The following ASAP1 variants were observed in gnomAD, a reference collection of about 807,000 sequenced individuals.
The protein encoded by ASAP1 is arf-GAP with SH3 domain, ANK repeat and PH domain-containing protein 1.
ASAP1 carries 43 observed loss-of-function variants against 145.2 expected under a neutral mutation model. That is an observed-to-expected ratio of 0.30 (90% confidence interval 0.23 to 0.38). The LOEUF (loss-of-function observed/expected upper bound fraction) is 0.38. Among genes scored for constraint, ASAP1 ranks in the 10% least tolerant of loss-of-function variants. The probability of loss-of-function intolerance (pLI) is 1.00; values close to 1 mark genes in which losing one functional copy is unlikely to be tolerated. For synonymous variants in ASAP1, 546 were observed against 515.5 expected (o/e 1.06, Z -0.80); for missense variants, 1,018 against 1,355.3 (o/e 0.75, Z 3.91).
intron 12 of ASAP1, among the ~76,000 whole-genome samples, chr8:130,157,607 C>G (rs1252987476): frequency 6.6e-6 from 1 of 152,154 alleles, no homozygotes; most frequent in Admixed American, 6.5e-5. Flanking sequence ...TGATTCCCCA[C>G]CTCACGGAGT....
At chr8:130,166,979 A>G (rs1347469883) in intron 11 of ASAP1, among the ~76,000 whole-genome samples, 1 of 152,204 alleles carries the variant, frequency 6.6e-6, no homozygotes, top group Non-Finnish European at 1.5e-5. Context: ...ATGCTCCTGA[A>G]GTGCATGTCC....
intron 1 of ASAP1, among the ~76,000 whole-genome samples, chr8:130,433,101 C>T (rs959882703): frequency 6.6e-6 from 1 of 152,172 alleles, no homozygotes; most frequent in Non-Finnish European, 1.5e-5. Context: ...AGGAAACTTG[C>T]TAACAGCTAT....
chr8:130,136,114 G>A (rs1387789776), intron 14 of ASAP1, among the ~76,000 whole-genome samples: 4 of 152,158 alleles, frequency 2.6e-5, no homozygotes, highest in Non-Finnish European at 4.4e-5. Context: ...GGATATTCAC[G>A]AGAGTCACTT....
chr8:130,420,691 C>G (rs371090872), intron 1 of ASAP1, among the ~76,000 whole-genome samples: 12 of 151,994 alleles, frequency 7.9e-5, no homozygotes, highest in Non-Finnish European at 1.6e-4. Context: ...GTCAGGAGTT[C>G]GAGACTAGCC....
chr8:130,162,817 C>CAAA (rs202186430), intron 11 of ASAP1, among the ~76,000 whole-genome samples: 67 of 123,272 alleles, frequency 5.4e-4, no homozygotes, highest in South Asian at 3.2e-3. Flanking sequence ...GACTCCGTCT[C>CAAA]AAAAAAAAAA....
chr8:130,122,245 C>T (rs2097567465), intron 18 of ASAP1, among the ~76,000 whole-genome samples: 1 of 152,164 alleles, frequency 6.6e-6, no homozygotes, highest in African/African-American at 2.4e-5. Flanking sequence ...CCTGTGTTTT[C>T]ATCTCCTCAG....
intron 1 of ASAP1, among the ~76,000 whole-genome samples, chr8:130,441,158 T>C (rs1316637549): frequency 6.6e-6 from 1 of 152,138 alleles, no homozygotes; most frequent in African/African-American, 2.4e-5. Flanking sequence ...GAGAACAGGG[T>C]CCTATTCATC....
chr8:130,298,438 C>G (rs1233315278), intron 3 of ASAP1, among the ~76,000 whole-genome samples: 1 of 152,124 alleles, frequency 6.6e-6, no homozygotes, highest in South Asian at 2.1e-4. Context: ...ATCCCATCTC[C>G]TCTTCGAGGC....
chr8:130,214,646 A>C lies in ASAP1; in HGVS notation c.315T>G (p.Asn105Lys). 2 of 1,611,608 alleles carry C rather than the reference A, an allele frequency of 1.2e-6. No individual in the cohort carries two copies. Among genetic ancestry groups the C allele is most frequent in the Non-Finnish European group, 1.7e-6 (2 of 1,178,596 alleles). ...GGTCGGGGTTGTCTCGACTTAAAAA[A>C]TTACTCCCAAACTTATCAAGAACTT... ...YAQVLDKFGS[N>K]FLSRDNPDLG... Residue 105 changes from asparagine to lysine, a missense_variant, in exon 5 of 30, where the codon AAT (asparagine) becomes AAG (lysine). By Grantham distance (94) the Asn-to-Lys change is moderately conservative. Transcript: ENST00000518721.
At chr8:130,359,423 G>A (rs1016087581) in intron 2 of ASAP1, among the ~76,000 whole-genome samples, 1 of 151,846 alleles carries the variant, frequency 6.6e-6, no homozygotes, top group African/African-American at 2.4e-5. Flanking sequence ...CGCTGAGTAT[G>A]AATTTGGTTT....
intron 5 of ASAP1, among the ~76,000 whole-genome samples, chr8:130,202,623 C>T (rs889877343): frequency 2.0e-5 from 3 of 152,162 alleles, no homozygotes; most frequent in South Asian, 4.1e-4. Context: ...AAGAGAACAG[C>T]GTTTCATGAA....
intron 1 of ASAP1, among the ~76,000 whole-genome samples, chr8:130,412,256 G>GA (rs1158690138): frequency 6.6e-6 from 1 of 152,172 alleles, no homozygotes; most frequent in African/African-American, 2.4e-5. Context: ...CCCAGTATTG[G>GA]AGGTGGGGCC....
intron 1 of ASAP1, among the ~76,000 whole-genome samples, 159 bp from the exon 2 acceptor site, chr8:130,402,129 A>G (rs1279366549): frequency 1.3e-5 from 2 of 152,200 alleles, no homozygotes; most frequent in East Asian, 1.9e-4. Context: ...GAAGGAAACT[A>G]CTATTTCAGC....
intron 11 of ASAP1, among the ~76,000 whole-genome samples, chr8:130,166,981 T>G (rs2097681154): frequency 6.6e-6 from 1 of 152,168 alleles, no homozygotes; most frequent in Non-Finnish European, 1.5e-5. Flanking sequence ...GCTCCTGAAG[T>G]GCATGTCCTC....
chr8:130,367,659 T>A (rs759904559), intron 2 of ASAP1, among the ~76,000 whole-genome samples: 1 of 152,198 alleles, frequency 6.6e-6, no homozygotes, highest in Non-Finnish European at 1.5e-5. Context: ...GGCAATGGCA[T>A]CCTATAGCTC....
At chr8:130,160,805 A>C (rs1014262878) in intron 11 of ASAP1, 5 of 1,284,148 alleles carry the variant, frequency 3.9e-6, no homozygotes, top group Non-Finnish European at 5.1e-6. Context: ...TTCGATCAGG[A>C]AGGGCAAAAG....
chr8:130,403,711 C>T (rs1438815452), intron 1 of ASAP1, among the ~76,000 whole-genome samples: 4 of 152,018 alleles, frequency 2.6e-5, no homozygotes, highest in Non-Finnish European at 4.4e-5. Context: ...CGCCACCACG[C>T]CCAGCTACTT....
intron 8 of ASAP1, among the ~76,000 whole-genome samples, 155 bp downstream of exon 8, chr8:130,180,596 A>C (rs533009318): frequency 4.1e-4 from 63 of 152,342 alleles, no homozygotes; most frequent in African/African-American, 1.4e-3. Flanking sequence ...GGTTCCCAAA[A>C]GGCTTGGAGA....
chr8:130,216,006 AAAGGAAAG>A (rs1187655974), intron 4 of ASAP1, among the ~76,000 whole-genome samples: 4 of 130,732 alleles, frequency 3.1e-5, no homozygotes, highest in African/African-American at 8.3e-5. Flanking sequence ...AAAGGAAAGG[AAAGGAAAG>A]GAAAAAGGAA....
Sources: allele counts gnomAD v4.1 joint callset (sites outside exome capture counted in the v4.1 genomes callset), GRCh38; gene constraint gnomAD v4.1.1; transcripts MANE v1.5; gene names NCBI Gene and HGNC (gene_info 2026-07-23, HGNC 2026-07-21).